AHCTF1: variants seen among roughly 807,000 people sequenced by gnomAD.
AHCTF1 encodes protein ELYS.
A neutral mutation model predicts 248.4 loss-of-function variants in AHCTF1; 24 were observed. The observed-to-expected ratio is 0.10, with a 90% CI of 0.07 to 0.14. AHCTF1 has a LOEUF of 0.14. Ranked by LOEUF, AHCTF1 falls within the 10% of genes least tolerant of loss-of-function variation. AHCTF1 has a pLI of 1.00. For synonymous variants in AHCTF1, 786 were observed against 929.8 expected (o/e 0.85, Z 2.81); for missense variants, 2,206 against 2,636.2 (o/e 0.84, Z 3.57).
chr1:246,857,916 T>G, intron 29 of AHCTF1, 102 bp from the exon 30 acceptor site: 2 of 1,123,380 alleles, frequency 1.8e-6, no homozygotes, highest in Non-Finnish European at 2.5e-6. Flanking sequence ...TCTGCTTTTT[T>G]GTTCTTTTAG....
At chr1:246,864,446 A>T (rs1661804628) in intron 26 of AHCTF1, 1 of 219,222 alleles carries the variant, frequency 4.6e-6, no homozygotes, top group African/African-American at 2.3e-5. Context: ...TAAAATACTA[A>T]AGAAAACAGG....
At chr1:246,905,459 T>C (rs541133029) in intron 6 of AHCTF1, 82 bp downstream of exon 6, 2 of 1,128,486 alleles carry the variant, frequency 1.8e-6, no homozygotes, top group South Asian at 1.3e-5. Flanking sequence ...ATCACGCCAC[T>C]GCACTCCAGC....
chr1:246,877,708 A>C (rs1306374736), intron 21 of AHCTF1, among the ~76,000 whole-genome samples: 1 of 152,142 alleles, frequency 6.6e-6, no homozygotes, highest in East Asian at 1.9e-4. Flanking sequence ...TGTGTCCATG[A>C]GGAAGGGAAG....
At chr1:246,901,961 G>GA (rs1295312265) in intron 8 of AHCTF1, among the ~76,000 whole-genome samples, 2 of 152,338 alleles carry the variant, frequency 1.3e-5, no homozygotes, top group East Asian at 3.9e-4. Context: ...GCATTTCTGG[G>GA]ATGGGTAAGT....
chr1:246,873,094 C>T (rs965406404), intron 24 of AHCTF1, among the ~76,000 whole-genome samples: 2 of 152,112 alleles, frequency 1.3e-5, no homozygotes, highest in South Asian at 2.1e-4. Flanking sequence ...CTACTAGGTT[C>T]GACTTATTCC....
At chr1:246,922,116 T>C (rs957223699) in intron 1 of AHCTF1, among the ~76,000 whole-genome samples, 2 of 152,140 alleles carry the variant, frequency 1.3e-5, no homozygotes, top group East Asian at 1.9e-4. Flanking sequence ...TCCCAGCACT[T>C]TGGAAGGCCT....
Position 246,900,484 on chromosome 1 carries a change from TA to T in AHCTF1, c.1118-16del. On this transcript the variant is annotated splice_polypyrimidine_tract_variant and intron_variant, in intron 8 of 35. Coordinates refer to ENST00000648844, the MANE Select transcript of AHCTF1 (RefSeq NM_001323342.2). ...AGGCGATAGAGCTGGAAGAAAAAGA[TA>T]ATTTTTAAAAACAGAATAAAGAATC... is the stretch of plus-strand genomic sequence containing the variant. 7 of 1,580,568 alleles carry T rather than the reference TA, an allele frequency of 4.4e-6. No individual in the cohort carries two copies. Among genetic ancestry groups the T allele is most frequent in the Non-Finnish European group, 6.0e-6 (7 of 1,172,576 alleles).
intron 8 of AHCTF1, 141 bp from the exon 9 acceptor site, chr1:246,900,610 A>G (rs1664927017): frequency 7.5e-6 from 7 of 928,180 alleles, no homozygotes; most frequent in Non-Finnish European, 1.1e-5. Context: ...CATTTCTATC[A>G]TTTGTATGTA....
chr1:246,844,401 A>G (rs1306180092), intron 33 of AHCTF1, among the ~76,000 whole-genome samples: 2 of 152,212 alleles, frequency 1.3e-5, no homozygotes, highest in Non-Finnish European at 2.9e-5. Flanking sequence ...TGTTCCAGCC[A>G]AAGGAACAGA....
Position 246,858,578 on chromosome 1 carries a change from C to T in AHCTF1, c.4133-764G>A, listed in dbSNP as rs1188737150. Among the ~76,000 whole-genome samples, 3 of 152,048 alleles carry T rather than the reference C, an allele frequency of 2.0e-5. No homozygotes were observed. In the East Asian group the frequency reaches 5.8e-4, roughly 29 times the overall value. On this transcript the variant is annotated intron_variant, in intron 29 of 35. Transcript: ENST00000648844. ...GGCACGGAGGCTCATACCTGTAATC[C>T]CAGCACTCTGGGAGGCTGAGGCAGG...
intron 13 of AHCTF1, among the ~76,000 whole-genome samples, chr1:246,895,220 T>C (rs907676069): frequency 6.6e-6 from 1 of 152,190 alleles, no homozygotes; most frequent in Non-Finnish European, 1.5e-5. Flanking sequence ...ATAAGGTCTC[T>C]AGGTTAGATA....
intron 31 of AHCTF1, 110 bp downstream of exon 31, chr1:246,855,620 A>G: frequency 1.2e-6 from 1 of 806,468 alleles, no homozygotes. Context: ...GGAATAACTG[A>G]GGAGGAAAAA....
At chr1:246,924,619 A>C (rs1666806243) in intron 1 of AHCTF1, among the ~76,000 whole-genome samples, 1 of 152,090 alleles carries the variant, frequency 6.6e-6, no homozygotes, top group Non-Finnish European at 1.5e-5. Context: ...CCCCCAAAAA[A>C]ATTTATGTGA....
chr1:246,914,288 AC>A (rs1665999934), intron 3 of AHCTF1, among the ~76,000 whole-genome samples: 1 of 152,204 alleles, frequency 6.6e-6, no homozygotes, highest in Non-Finnish European at 1.5e-5. Context: ...AAAATCTAAA[AC>A]ACTTCTAGTC....
intron 8 of AHCTF1, 142 bp downstream of exon 8, chr1:246,902,383 T>C (rs566317024): frequency 2.1e-6 from 2 of 951,808 alleles, no homozygotes; most frequent in Admixed American, 2.6e-5. Context: ...AAATATCTAG[T>C]ATCTCATATA....
rs1484495559 is a variant in AHCTF1, at chr1:246,842,710, T to C, written c.6592A>G (p.Thr2198Ala). 1.2e-6 allele frequency: 2 copies of C among 1,613,458 alleles called. No individual in the cohort carries two copies. The highest frequency in any genetic ancestry group is 1.7e-5 in the Admixed American group (1 of 60,024). The part of the protein sequence containing the change: ...PKAKRIRTSK[T>A]KQASKNTEKE... Reference sequence around the variant, plus strand: ...AAGTCATACTTGCTTGCTTGTTTTGTTTTTGACGTCCTGATTCGTTTCGCT... The same window carrying C: ...AAGTCATACTTGCTTGCTTGTTTTGCTTTTGACGTCCTGATTCGTTTCGCT... The change falls in exon 35 of 36, where the codon ACA becomes GCA. Residue 2198 changes from threonine to alanine, a missense_variant. Thr to Ala is a moderately conservative substitution (Grantham distance 58, BLOSUM62 0). Coordinates refer to ENST00000648844, the MANE Select transcript of AHCTF1 (RefSeq NM_001323342.2).
At chr1:246,861,325 A>T in intron 28 of AHCTF1, 30 bp from the exon 29 acceptor site, 1 of 1,551,812 alleles carries the variant, frequency 6.4e-7, no homozygotes, top group Non-Finnish European at 8.8e-7. Flanking sequence ...AAAGAAAAAA[A>T]TTAGTAAATA....
chr1:246,880,662 T>G (rs1663335835), intron 21 of AHCTF1, among the ~76,000 whole-genome samples: 2 of 152,158 alleles, frequency 1.3e-5, no homozygotes, highest in African/African-American at 4.8e-5. Flanking sequence ...AATTTATGAT[T>G]TACCAAGTAT....
chr1:246,872,634 A>G (rs1022715310), intron 24 of AHCTF1, among the ~76,000 whole-genome samples: 13 of 152,206 alleles, frequency 8.5e-5, no homozygotes, highest in African/African-American at 3.1e-4. Flanking sequence ...GTAATAAAAC[A>G]TAAGGATCAC....
Sources: allele counts gnomAD v4.1 joint callset (sites outside exome capture counted in the v4.1 genomes callset), GRCh38; gene constraint gnomAD v4.1.1; transcripts MANE v1.5; gene names NCBI Gene and HGNC (gene_info 2026-07-23, HGNC 2026-07-21).